CACNB2: variants seen among roughly 807,000 people sequenced by gnomAD.
The protein encoded by CACNB2 is calcium voltage-gated channel auxiliary subunit beta 2.
CACNB2 carries 42 observed loss-of-function variants against 73.3 expected under a neutral mutation model. The ratio of observed to expected loss-of-function variants is 0.57; its 90% CI spans 0.45 to 0.74. CACNB2 has a LOEUF of 0.74. CACNB2 is among the 30% of genes least tolerant of loss of function. The pLI is 0.00. For missense variants in CACNB2, 940 were observed against 853.0 expected (o/e 1.10, Z -1.27); for synonymous variants, 348 against 310.3 (o/e 1.12, Z -1.28).
chr10:18,360,287 C>T (rs746830951), intron 2 of CACNB2, among the ~76,000 whole-genome samples: 1 of 152,140 alleles, frequency 6.6e-6, no homozygotes, highest in Non-Finnish European at 1.5e-5. Flanking sequence ...TGCAGTAGAG[C>T]AATAATTACA....
At chr10:18,372,077 G>A (rs1007484695) in intron 2 of CACNB2, among the ~76,000 whole-genome samples, 1 of 152,040 alleles carries the variant, frequency 6.6e-6, no homozygotes, top group Non-Finnish European at 1.5e-5. Flanking sequence ...AAATTTGTTT[G>A]AGTTCTTTGT....
chr10:18,286,385 G>T (rs1302281710), intron 2 of CACNB2, among the ~76,000 whole-genome samples: 3 of 151,726 alleles, frequency 2.0e-5, no homozygotes, highest in Admixed American at 6.6e-5. Flanking sequence ...AGGCGCGGTG[G>T]CGGGCGCCTG....
chr10:18,307,411 G>A (rs1050791794), intron 2 of CACNB2, among the ~76,000 whole-genome samples: 1 of 152,176 alleles, frequency 6.6e-6, no homozygotes. Context: ...GTGGCGAGCC[G>A]AGATTGCACC....
At chr10:18,309,546 C>T (rs1399947246) in intron 2 of CACNB2, among the ~76,000 whole-genome samples, 1 of 152,140 alleles carries the variant, frequency 6.6e-6, no homozygotes, top group East Asian at 1.9e-4. Context: ...CAACCTCTGC[C>T]TCCCGGGTTC....
intron 3 of CACNB2, among the ~76,000 whole-genome samples, chr10:18,465,920 A>T (rs1392857732): frequency 6.6e-6 from 1 of 152,090 alleles, no homozygotes; most frequent in Non-Finnish European, 1.5e-5. Flanking sequence ...ACCTCAAGTG[A>T]TCTGCCTGCC....
chr10:18,310,129 T>A (rs1270968709), intron 2 of CACNB2, among the ~76,000 whole-genome samples: 2 of 152,164 alleles, frequency 1.3e-5, no homozygotes, highest in Admixed American at 6.5e-5. Flanking sequence ...GCTACAGGTT[T>A]ATTTTTCTGT....
Position 18,539,315 on chromosome 10 carries a change from T to C in CACNB2, c.1574T>C (p.Val525Ala), listed in dbSNP as rs1422235971. The C allele has an allele frequency of 1.2e-6, 2 of 1,613,538 alleles. No individual in the cohort carries two copies. The highest frequency in any genetic ancestry group is 1.7e-5 in the Admixed American group (1 of 59,942). Residue 525 changes from valine to alanine, a missense_variant, in exon 14 of 14, where the codon GTC becomes GCC. Coordinates refer to ENST00000324631, the MANE Select transcript of CACNB2 (RefSeq NM_201596.3). Reference sequence around the variant, plus strand: ...GAAGAAGAACCTAGTGTGGAACCAGTCAAGAAATCCCAGCACCGCTCTTCC... The same window carrying C: ...GAAGAAGAACCTAGTGTGGAACCAGCCAAGAAATCCCAGCACCGCTCTTCC... The part of the protein sequence containing the change: ...QAEEEPSVEP[V>A]KKSQHRSSSS...
At chr10:18,267,324 G>A (rs565150837) in intron 2 of CACNB2, among the ~76,000 whole-genome samples, 1 of 152,160 alleles carries the variant, frequency 6.6e-6, no homozygotes, top group Non-Finnish European at 1.5e-5. Flanking sequence ...TTAAATAAGG[G>A]GCTGGGTGTG....
chr10:18,517,318 G>GC (rs2051379781), intron 7 of CACNB2, among the ~76,000 whole-genome samples: 1 of 152,022 alleles, frequency 6.6e-6, no homozygotes, highest in African/African-American at 2.4e-5. Flanking sequence ...GGTCAATTTA[G>GC]CATTTTATGC....
chr10:18,459,895 G>C (rs1199746091), intron 3 of CACNB2, among the ~76,000 whole-genome samples: 1 of 152,162 alleles, frequency 6.6e-6, no homozygotes, highest in Non-Finnish European at 1.5e-5. Flanking sequence ...CTACTCGGGA[G>C]GCTGAGGTGA....
chr10:18,260,419 G>A (rs2037482523), intron 2 of CACNB2: 1 of 985,260 alleles, frequency 1.0e-6, no homozygotes, highest in Admixed American at 6.2e-5. Context: ...TATTTAACAT[G>A]CTTTAACCCA....
intron 6 of CACNB2, chr10:18,513,101 CTT>C (rs71402179): frequency 4.2e-4 from 48 of 114,376 alleles, no homozygotes; most frequent in South Asian, 9.0e-4. Context: ...TGACCATAAC[CTT>C]TTTTTTTTTT....
At chr10:18,494,579 C>G (rs983874282) in intron 3 of CACNB2, among the ~76,000 whole-genome samples, 1 of 150,384 alleles carries the variant, frequency 6.6e-6, no homozygotes, top group African/African-American at 2.5e-5. Context: ...TTGCAGTGAG[C>G]CGAGATCGTG....
At chr10:18,327,194 C>A (rs2040619431) in intron 2 of CACNB2, among the ~76,000 whole-genome samples, 1 of 152,122 alleles carries the variant, frequency 6.6e-6, no homozygotes, top group African/African-American at 2.4e-5. Context: ...TTCCAGAGCA[C>A]CTGTGGATTT....
chr10:18,307,983 CTTT>C (rs869311555), intron 2 of CACNB2, among the ~76,000 whole-genome samples: 10,684 of 70,082 alleles, frequency 0.15, 780 homozygotes, highest in Middle Eastern at 0.34. Flanking sequence ...TATATGCCAA[CTTT>C]TTTTTTTTTT....
intron 2 of CACNB2, among the ~76,000 whole-genome samples, chr10:18,302,393 G>A (rs1444890286): frequency 6.6e-6 from 1 of 152,140 alleles, no homozygotes; most frequent in Non-Finnish European, 1.5e-5. Context: ...AAATATACTT[G>A]CATGCACGTT....
rs756678637 is a variant in CACNB2 at position 18,150,853 on chromosome 10, G to GTATTTTTTTTTTTTT, written c.121-29_121-28insATTTTTTTTTTTTTT. 20 of 655,444 alleles carry GTATTTTTTTTTTTTT rather than the reference G, an allele frequency of 3.1e-5. 1 individual carries two copies. Among genetic ancestry groups the GTATTTTTTTTTTTTT allele is most frequent in the East Asian group, 6.3e-5 (1 of 15,952 alleles). The allele number at this position is 655,444 out of a possible 1,614,324, so 40.6% of individuals were successfully genotyped here. A position where few individuals can be genotyped will look rare whatever the true frequency, so the allele number is the denominator to read the frequency against. On this transcript the variant is annotated intron_variant, in intron 1 of 13. Transcript: ENST00000324631. ...AAAGGGTCTCATAATAATCTTATTTGTCTTTTTTTTTTTTTTTTTTTTTTT... is the reference window on the plus strand; with the variant it reads ...AAAGGGTCTCATAATAATCTTATTTGTATTTTTTTTTTTTTTCTTTTTTTTTTTTTTTTTTTTTTT...
intron 2 of CACNB2, among the ~76,000 whole-genome samples, chr10:18,367,515 T>C (rs1033520924): frequency 3.3e-5 from 5 of 152,112 alleles, no homozygotes; most frequent in Admixed American, 6.5e-5. Flanking sequence ...TTATAAAACT[T>C]TGGATGATTT....
intron 2 of CACNB2, chr10:18,151,288 C>A (rs59977094): frequency 1.6e-5 from 4 of 245,642 alleles, no homozygotes; most frequent in East Asian, 1.0e-4. Flanking sequence ...TTTTTTTTTT[C>A]AGTGGGACAG....
Sources: allele counts gnomAD v4.1 joint callset (sites outside exome capture counted in the v4.1 genomes callset), GRCh38; gene constraint gnomAD v4.1.1; transcripts MANE v1.5; gene names NCBI Gene and HGNC (gene_info 2026-07-23, HGNC 2026-07-21).